GYG2: variants seen among roughly 807,000 people sequenced by gnomAD.
GYG2 encodes glycogenin 2, also known as glycogenin-2.
A neutral mutation model predicts 29.4 loss-of-function variants in GYG2; 29 were observed. That is an observed-to-expected ratio of 0.99 (90% CI 0.74 to 1.35). GYG2 has a LOEUF of 1.35. Ranked by LOEUF, GYG2 falls within the 40% of genes most tolerant of loss-of-function variation. GYG2 has a pLI of 0.00. For synonymous variants in GYG2, 167 were observed against 172.3 expected (o/e 0.97, Z 0.24); for missense variants, 370 against 385.7 (o/e 0.96, Z 0.34).
chrX:2,832,395 C>T (rs965894576), intron 2 of GYG2, among the ~76,000 whole-genome samples: 2 of 74,560 alleles, frequency 2.7e-5, no homozygotes, highest in African/African-American at 7.7e-5. Flanking sequence ...CCATAAAACT[C>T]TCACTCTAAA....
intron 4 of GYG2, 147 bp downstream of exon 4, chrX:2,854,301 A>G: frequency 6.9e-6 from 3 of 434,241 alleles, no homozygotes; most frequent in Non-Finnish European, 1.2e-5. Flanking sequence ...GGCTCACTGC[A>G]ACCTCCGCCT....
In GYG2 at chrX:2,846,180, C is replaced by T. The variant is rs1445870769; in HGVS notation, c.149+2826C>T. 1.2e-4 allele frequency among the ~76,000 whole-genome samples: 12 copies of T among 97,802 alleles called. No individual in the cohort carries two copies. In the East Asian group the frequency reaches 3.5e-3, roughly 29 times the overall value. The allele number at this position is 97,802 out of a possible 115,157, so 84.9% of individuals were successfully genotyped here. A position where few individuals can be genotyped will look rare whatever the true frequency, so the allele number is the denominator to read the frequency against. On this transcript the variant is annotated intron_variant, in intron 3 of 10. Coordinates refer to ENST00000398806, the MANE Select transcript of GYG2 (RefSeq NM_001079855.2). ...CTCCTGGGTTCCAGTGATTCTCCTG[C>T]CTCAGCCTTCCAAGTAGCTGGGATT...
chrX:2,870,985 A>G (rs887494503), intron 8 of GYG2, among the ~76,000 whole-genome samples: 2 of 96,586 alleles, frequency 2.1e-5, no homozygotes, highest in African/African-American at 6.9e-5. Flanking sequence ...TCTGAATCAT[A>G]TTATCATAAC....
chrX:2,870,472 G>A (rs755910775), intron 8 of GYG2, among the ~76,000 whole-genome samples: 33 of 111,507 alleles, frequency 3.0e-4, no homozygotes, highest in Non-Finnish European at 6.0e-4. Flanking sequence ...CAAAGTGCTG[G>A]CATTACAGGC....
intron 2 of GYG2, among the ~76,000 whole-genome samples, chrX:2,831,904 C>G (rs1312323223): frequency 8.9e-6 from 1 of 112,245 alleles, no homozygotes; most frequent in Non-Finnish European, 1.9e-5. Context: ...GTGACAATGT[C>G]TCCTTTTTGT....
chrX:2,830,076 C>G lies in GYG2; in HGVS notation c.-113C>G. 2.7e-6 allele frequency: 2 copies of G among 732,561 alleles called. No individual in the cohort carries two copies. The highest frequency in any genetic ancestry group is 3.4e-5 in the East Asian group (1 of 29,690). The allele number at this position is 732,561 out of a possible 1,213,427, so 60.4% of individuals were successfully genotyped here. On this transcript the variant is annotated 5_prime_UTR_variant, in exon 2 of 11. Transcript: ENST00000398806. Reference sequence around the variant, plus strand: ...TCGCCCCCAGGCCTGGAAATCCACGCGGATTCCCGGAGACGGCGCCTCTGC... The same window carrying G: ...TCGCCCCCAGGCCTGGAAATCCACGGGGATTCCCGGAGACGGCGCCTCTGC...
intron 8 of GYG2, among the ~76,000 whole-genome samples, chrX:2,869,843 T>G (rs1323462525): frequency 8.9e-6 from 1 of 112,190 alleles, no homozygotes; most frequent in African/African-American, 3.2e-5. Context: ...GGTTTCACCA[T>G]GTTTCCCAGG....
At chrX:2,840,835 CTAGA>C (rs1023255313) in intron 2 of GYG2, among the ~76,000 whole-genome samples, 5 of 108,662 alleles carry the variant, frequency 4.6e-5, no homozygotes, top group African/African-American at 1.7e-4. Flanking sequence ...GATTAGATAG[CTAGA>C]TAGATAATAG....
chrX:2,835,911 G>A (rs966615254), intron 2 of GYG2, among the ~76,000 whole-genome samples: 9 of 111,081 alleles, frequency 8.1e-5, no homozygotes, highest in African/African-American at 2.6e-4. Context: ...GAAGGGTCCT[G>A]TGTCATAGGA....
chrX:2,879,414 C>T (rs904549088), intron 10 of GYG2, among the ~76,000 whole-genome samples: 4 of 109,981 alleles, frequency 3.6e-5, no homozygotes, highest in African/African-American at 1.3e-4. Context: ...ACTACAGTCA[C>T]CCACGACCAA....
chrX:2,878,841 G>A (rs2088656260), intron 10 of GYG2, among the ~76,000 whole-genome samples: 1 of 111,907 alleles, frequency 8.9e-6, no homozygotes, highest in Admixed American at 9.6e-5. Context: ...TGTTTTCTTG[G>A]ATACTCATCT....
chrX:2,855,355 T>G lies in GYG2; in HGVS notation c.487+200T>G, dbSNP rs190559300. 1.5e-3 allele frequency among the ~76,000 whole-genome samples: 165 copies of G among 112,257 alleles called. 3 individuals are homozygous for G. The highest frequency in any genetic ancestry group is 5.4e-3 in the East Asian group (19 of 3,545). ...CTGCACACACCTGGATGATGTAGCC[T>G]ACTGTATACCTAGGCTGGAGGGTAC... is the stretch of plus-strand genomic sequence containing the variant. On this transcript the variant is annotated intron_variant, in intron 5 of 10. Transcript: ENST00000398806.
intron 9 of GYG2, among the ~76,000 whole-genome samples, chrX:2,876,953 A>C (rs1397560620): frequency 1.8e-5 from 2 of 110,328 alleles, no homozygotes; most frequent in African/African-American, 3.3e-5. Flanking sequence ...CGTCTCAAAA[A>C]AAAAGTTATA....
Position 2,878,147 on chromosome X carries a change from G to C in GYG2, c.1251+840G>C. ...TCCATCCTTGTGGTCATCATTTGAG[G>C]CTCTGTGAATTGAATCTGTAGTTAT... On this transcript the variant is annotated intron_variant, in intron 10 of 10. Transcript: ENST00000398806. The C allele has an allele frequency of 4.0e-6, 3 of 743,870 alleles. No homozygotes were observed. The South Asian group carries it at 2.1e-4, about 51-fold the overall frequency. The allele number at this position is 743,870 out of a possible 1,213,427, so 61.3% of individuals were successfully genotyped here. A position where few individuals can be genotyped will look rare whatever the true frequency, so the allele number is the denominator to read the frequency against.
At chrX:2,859,712 C>A in intron 6 of GYG2, 131 bp from the exon 7 acceptor site, 1 of 447,558 alleles carries the variant, frequency 2.2e-6, no homozygotes. Context: ...TAATAATAAT[C>A]AATAATGGAA....
intron 8 of GYG2, among the ~76,000 whole-genome samples, chrX:2,869,119 G>A (rs1817144768): frequency 9.0e-6 from 1 of 111,319 alleles, no homozygotes; most frequent in Non-Finnish European, 1.9e-5. Flanking sequence ...ACCTTGGATC[G>A]AAAATATTGG....
intron 8 of GYG2, among the ~76,000 whole-genome samples, chrX:2,868,289 C>G (rs773602672): frequency 9.3e-6 from 1 of 108,018 alleles, no homozygotes; most frequent in African/African-American, 3.4e-5. Context: ...AGGCAGTTCA[C>G]TTGAGCTCAG....
At chrX:2,875,782 A>G in intron 8 of GYG2, 28 bp from the exon 9 acceptor site, 1 of 980,578 alleles carries the variant, frequency 1.0e-6, no homozygotes, top group Non-Finnish European at 1.5e-6. Flanking sequence ...GTTTGACTTA[A>G]CTTGCCTTTG....
chrX:2,831,713 T>C (rs1222376252), intron 2 of GYG2, among the ~76,000 whole-genome samples: 1 of 111,858 alleles, frequency 8.9e-6, no homozygotes, highest in African/African-American at 3.2e-5. Context: ...CTCAACTCTT[T>C]GCAGAAAACA....
Sources: allele counts gnomAD v4.1 joint callset (sites outside exome capture counted in the v4.1 genomes callset), GRCh38; gene constraint gnomAD v4.1.1; transcripts MANE v1.5; gene names NCBI Gene and HGNC (gene_info 2026-07-23, HGNC 2026-07-21).